USP37: variants seen among roughly 807,000 people sequenced by gnomAD.
USP37 encodes ubiquitin carboxyl-terminal hydrolase 37.
USP37 carries 27 observed loss-of-function variants against 124.0 expected under a neutral mutation model. That is an observed-to-expected ratio of 0.22 (90% CI 0.16 to 0.30). USP37 has a LOEUF of 0.30. Among genes scored for constraint, USP37 ranks in the 10% least tolerant of loss-of-function variants. USP37 has a pLI of 1.00. For synonymous variants in USP37, 365 were observed against 388.0 expected, an observed-to-expected ratio of 0.94 and a Z score of 0.70; for missense variants, 889 against 1,140.4, an observed-to-expected ratio of 0.78 and a Z score of 3.17.
chr2:218,467,510 G>A (rs7607836), intron 20 of USP37, among the ~76,000 whole-genome samples: 8,639 of 152,152 alleles, frequency 0.057, 361 homozygotes, highest in East Asian at 0.12. Flanking sequence ...CACCACGCCC[G>A]GCTAATTTTT....
At chr2:218,529,658 G>C (rs188587070) in intron 10 of USP37, among the ~76,000 whole-genome samples, 10 of 152,016 alleles carry the variant, frequency 6.6e-5, no homozygotes, top group Non-Finnish European at 1.5e-4. Flanking sequence ...GTCTCGTTCT[G>C]TTGCTCAAGC....
chr2:218,496,604 T>TATGGTACAATACACA (rs139902111), intron 13 of USP37, among the ~76,000 whole-genome samples: 1 of 152,178 alleles, frequency 6.6e-6, no homozygotes, highest in Admixed American at 6.5e-5. Context: ...AATCTATATT[T>TATGGTACAATACACA]GAAGAGTCAC....
intron 9 of USP37, among the ~76,000 whole-genome samples, chr2:218,533,104 A>C (rs1358669260): frequency 6.6e-6 from 1 of 152,136 alleles, no homozygotes; most frequent in Non-Finnish European, 1.5e-5. Context: ...CATCTGCAAT[A>C]TCTCTGAAGT....
At chr2:218,461,416 G>C (rs994425232) in intron 22 of USP37, among the ~76,000 whole-genome samples, 6 of 151,934 alleles carry the variant, frequency 3.9e-5, no homozygotes, top group Admixed American at 2.0e-4. Context: ...TGAGGCAGGA[G>C]AATCGCTTGA....
Position 218,536,473 on chromosome 2 carries a change from AC to A in USP37, c.681-1768del, listed in dbSNP as rs1212031688. 5.3e-5 allele frequency among the ~76,000 whole-genome samples: 8 copies of A among 152,322 alleles called. No individual in the cohort carries two copies. In the Middle Eastern group the frequency reaches 0.02, roughly 389 times the overall value. ...ATACTTTGCCTGTAATCTCAGAGTC[AC>A]AAACAAGGCCGGGCGCTACAGTAGA... On this transcript the variant is annotated intron_variant, in intron 8 of 25. Coordinates refer to ENST00000258399, the MANE Select transcript of USP37 (RefSeq NM_020935.3).
chr2:218,461,828 GC>G (rs1690027334), intron 22 of USP37, among the ~76,000 whole-genome samples: 1 of 151,944 alleles, frequency 6.6e-6, no homozygotes, highest in Non-Finnish European at 1.5e-5. Context: ...TGGGCAACAT[GC>G]CAAAACTCCA....
intron 20 of USP37, among the ~76,000 whole-genome samples, chr2:218,472,011 C>T (rs1347284853): frequency 6.9e-6 from 1 of 144,852 alleles, no homozygotes; most frequent in Non-Finnish European, 1.5e-5. Context: ...GCCTGGGTGA[C>T]AGAGAGAGAC....
At chr2:218,534,757 T>G in intron 8 of USP37, 51 bp from the exon 9 acceptor site, 1 of 1,239,822 alleles carries the variant, frequency 8.1e-7, no homozygotes, top group East Asian at 2.6e-5. Flanking sequence ...AAAAATATTG[T>G]TCTTAATTTT....
At chr2:218,493,628 G>A (rs1012772307) in intron 14 of USP37, among the ~76,000 whole-genome samples, 6 of 152,080 alleles carry the variant, frequency 3.9e-5, no homozygotes, top group African/African-American at 1.4e-4. Context: ...GCACCACCAC[G>A]CCTGGCTAAT....
chr2:218,534,310 G>A (rs1691500727), intron 9 of USP37, among the ~76,000 whole-genome samples: 1 of 152,126 alleles, frequency 6.6e-6, no homozygotes, highest in Non-Finnish European at 1.5e-5. Context: ...CCAATATGGT[G>A]AAATCTCGTC....
At chr2:218,460,525 C>A (rs1689960254) in intron 22 of USP37, among the ~76,000 whole-genome samples, 1 of 152,088 alleles carries the variant, frequency 6.6e-6, no homozygotes, top group Non-Finnish European at 1.5e-5. Flanking sequence ...TCCAATTTCA[C>A]TAAATTCTAT....
Position 218,454,112 on chromosome 2 carries a change from C to T in USP37, c.*818G>A, listed in dbSNP as rs1459557192. ...AAGAAAAAAGATTCTATCTTTACCA[C>T]CATAATAATGATGATGATATATGAT... On this transcript the variant is annotated 3_prime_UTR_variant, in exon 26 of 26. Coordinates refer to ENST00000258399, the MANE Select transcript of USP37 (RefSeq NM_020935.3). 6.6e-6 allele frequency: 1 copy of T among 152,610 alleles called. No homozygotes were observed. The highest frequency in any genetic ancestry group is 1.5e-5 in the Non-Finnish European group (1 of 68,046). 9.5% of individuals were successfully genotyped at this position (152,610 alleles called of 1,614,324 possible).
At chr2:218,526,547 C>T (rs949101809) in intron 10 of USP37, among the ~76,000 whole-genome samples, 1 of 152,162 alleles carries the variant, frequency 6.6e-6, no homozygotes, top group Non-Finnish European at 1.5e-5. Flanking sequence ...AGTGTATACA[C>T]ATTTCTTTTT....
At chr2:218,559,009 A>AG (rs1693174436) in intron 3 of USP37, among the ~76,000 whole-genome samples, 1 of 151,754 alleles carries the variant, frequency 6.6e-6, no homozygotes, top group Non-Finnish European at 1.5e-5. Context: ...GTTAAAAAAA[A>AG]AAAAAAAGTG....
At chr2:218,551,322 G>C (rs1692654176) in intron 5 of USP37, among the ~76,000 whole-genome samples, 2 of 152,184 alleles carry the variant, frequency 1.3e-5, no homozygotes, top group African/African-American at 2.4e-5. Context: ...ACTTGCCCAA[G>C]ATCACAGAAT....
chr2:218,478,270 TC>T (rs1164240213), intron 18 of USP37, among the ~76,000 whole-genome samples: 1 of 152,260 alleles, frequency 6.6e-6, no homozygotes, highest in South Asian at 2.1e-4. Flanking sequence ...TTGAAAAGCC[TC>T]CCATGTGCTC....
In USP37 at chr2:218,482,051, T is replaced by C. The variant is rs749734166; in HGVS notation, c.1835+19A>G. The C allele has an allele frequency of 3.8e-6, 6 of 1,580,750 alleles. No homozygotes were observed. Among genetic ancestry groups the C allele is most frequent in the Admixed American group, 1.8e-5 (1 of 55,434 alleles). The stretch of plus-strand genomic sequence containing the variant: ...TATTTCAAAAGGGAATATAAAGACA[T>C]AGTCTCTCAAGGACTTACATTGCCA... On this transcript the variant is annotated intron_variant, in intron 17 of 25. Transcript: ENST00000258399.
At chr2:218,509,881 G>GA in intron 11 of USP37, 98 bp downstream of exon 11, 2 of 1,152,368 alleles carry the variant, frequency 1.7e-6, no homozygotes, top group African/African-American at 3.2e-5. Flanking sequence ...AAATATTTTA[G>GA]AACTTTAATG....
chr2:218,560,318 C>T (rs1693241985), intron 3 of USP37, among the ~76,000 whole-genome samples: 1 of 152,114 alleles, frequency 6.6e-6, no homozygotes, highest in Admixed American at 6.5e-5. Context: ...GAAAATGATG[C>T]TAGGTCTAGA....
Sources: gnomAD v4.1 joint callset for allele counts (sites outside exome capture counted in the v4.1 genomes callset) on GRCh38, gnomAD v4.1.1 for gene constraint, MANE v1.5 for transcripts, NCBI Gene and HGNC (gene_info 2026-07-23, HGNC 2026-07-21) for gene names.